Variants in SPPL3 observed in about 807,000 individuals in gnomAD.
The protein encoded by SPPL3 is signal peptide peptidase like 3.
Under a neutral mutation model 42.4 loss-of-function variants are expected in SPPL3, and 5 were observed. The observed-to-expected ratio is 0.12, with a 90% CI of 0.06 to 0.25. The LOEUF is 0.25. SPPL3 is among the 10% of genes least tolerant of loss of function. The pLI is 1.00. For synonymous variants in SPPL3, 195 were observed against 181.8 expected (o/e 1.07, Z -0.58); for missense variants, 235 against 489.0 (o/e 0.48, Z 4.90).
rs1234687673 is a variant in SPPL3, at chr12:120,871,098, C to A, written c.23+32747G>T. 2.6e-5 allele frequency among the ~76,000 whole-genome samples: 3 copies of A among 117,222 alleles called. 1 individual carries two copies. The highest frequency in any genetic ancestry group is 6.1e-4 in the East Asian group (2 of 3,256). The allele number at this position is 117,222 out of a possible 152,430, so 76.9% of individuals were successfully genotyped here. ...TGAGCTGAGATCATGCCACTGCACT[C>A]CAGCCTGGGCGACAGAGTGAGACTC... On this transcript the variant is annotated intron_variant, in intron 1 of 10. Coordinates refer to ENST00000353487, the MANE Select transcript of SPPL3 (RefSeq NM_139015.5).
intron 1 of SPPL3, among the ~76,000 whole-genome samples, chr12:120,877,517 G>A (rs190943171): frequency 2.0e-5 from 3 of 152,022 alleles, no homozygotes; most frequent in East Asian, 1.9e-4. Flanking sequence ...GTGGTGGCTC[G>A]CGCCTGTAAT....
At chr12:120,780,415 T>G (rs1056690591) in intron 6 of SPPL3, among the ~76,000 whole-genome samples, 2 of 151,678 alleles carry the variant, frequency 1.3e-5, no homozygotes, top group East Asian at 3.9e-4. Flanking sequence ...GCCACTGCAC[T>G]CCAGCCTGAG....
At chr12:120,794,565 T>C (rs1870036969) in intron 2 of SPPL3, among the ~76,000 whole-genome samples, 1 of 151,988 alleles carries the variant, frequency 6.6e-6, no homozygotes, top group African/African-American at 2.4e-5. Context: ...ACCCTGCTAA[T>C]TTTTGTATTT....
intron 1 of SPPL3, among the ~76,000 whole-genome samples, chr12:120,812,907 C>T (rs766122342): frequency 2.0e-5 from 3 of 152,206 alleles, no homozygotes; most frequent in Admixed American, 6.5e-5. Flanking sequence ...ACTCAATTCA[C>T]ACTCACTGCA....
intron 1 of SPPL3, among the ~76,000 whole-genome samples, chr12:120,881,727 G>A (rs564443146): frequency 2.0e-5 from 3 of 151,428 alleles, no homozygotes; most frequent in African/African-American, 7.3e-5. Context: ...GCCTTTAAAA[G>A]GAAGAAAATT....
intron 2 of SPPL3, among the ~76,000 whole-genome samples, chr12:120,801,598 G>A (rs74863026): frequency 0.02 from 3,011 of 152,174 alleles, 115 homozygotes; most frequent in African/African-American, 0.068. Context: ...ACTGCTTGAC[G>A]CGCTACATCT....
At chr12:120,799,818 T>TA in intron 2 of SPPL3, among the ~76,000 whole-genome samples, 1 of 152,098 alleles carries the variant, frequency 6.6e-6, no homozygotes, top group South Asian at 2.1e-4. Context: ...ACAACAAGCT[T>TA]AAAGGGCCTG....
chr12:120,836,735 C>T (rs1267856757), intron 1 of SPPL3, among the ~76,000 whole-genome samples: 1 of 152,228 alleles, frequency 6.6e-6, no homozygotes, highest in Non-Finnish European at 1.5e-5. Flanking sequence ...CCAAGGGATA[C>T]TTTCAGTGTT....
rs752107886 is a variant in SPPL3 at position 120,766,386 on chromosome 12, G to A, written c.974-14C>T. 3 of 1,566,492 alleles carry A rather than the reference G, an allele frequency of 1.9e-6. No individual in the cohort carries two copies. The highest frequency in any genetic ancestry group is 1.9e-5 in the Admixed American group (1 of 51,900). On this transcript the variant is annotated splice_polypyrimidine_tract_variant and intron_variant, in intron 9 of 10. Transcript: ENST00000353487. ...CAGTGAGCAGGCCTGTGAGGAGAGA[G>A]AGGCATCTGTGAGACACGAGAGGGA...
intron 1 of SPPL3, among the ~76,000 whole-genome samples, chr12:120,827,734 T>C (rs1357204804): frequency 6.6e-6 from 1 of 152,146 alleles, no homozygotes; most frequent in Non-Finnish European, 1.5e-5. Flanking sequence ...CAAGAGCTAA[T>C]GGTAAACACC....
At chr12:120,765,927 G>T (rs944279404) in intron 10 of SPPL3, among the ~76,000 whole-genome samples, 1 of 152,132 alleles carries the variant, frequency 6.6e-6, no homozygotes, top group African/African-American at 2.4e-5. Flanking sequence ...AAGCTGTTAG[G>T]TGGCAGGAGG....
At chr12:120,833,120 G>A (rs1216838087) in intron 1 of SPPL3, among the ~76,000 whole-genome samples, 2 of 152,204 alleles carry the variant, frequency 1.3e-5, no homozygotes, top group Non-Finnish European at 2.9e-5. Flanking sequence ...AGCCCCTTCT[G>A]AAGAGGTAAA....
chr12:120,768,883 T>C (rs920816188), intron 7 of SPPL3, 70 bp downstream of exon 7: 12 of 1,351,340 alleles, frequency 8.9e-6, no homozygotes, highest in South Asian at 2.5e-5. Flanking sequence ...TTCTAGTTAA[T>C]AGTTTTCAGG....
In SPPL3 at chr12:120,801,546, AG is replaced by A. The variant is rs563060748; in HGVS notation, c.101+9262del. The stretch of plus-strand genomic sequence containing the variant: ...TTCAGCGAGGATTCAGGGGGCACAG[AG>A]GAAGTTTTCCCTTGGCCCTGTTACA... On this transcript the variant is annotated intron_variant, in intron 2 of 10. Transcript: ENST00000353487. Among the ~76,000 whole-genome samples, 869 of 152,264 alleles carry A rather than the reference AG, an allele frequency of 5.7e-3. 5 individuals are homozygous for A. The highest frequency in any genetic ancestry group is 8.6e-3 in the Admixed American group (131 of 15,284).
intron 1 of SPPL3, among the ~76,000 whole-genome samples, chr12:120,849,016 T>C (rs750130772): frequency 6.6e-5 from 10 of 151,940 alleles, no homozygotes; most frequent in Non-Finnish European, 1.2e-4. Context: ...ATTTAAAAAT[T>C]AGCTGGGCAT....
chr12:120,780,202 C>T (rs1299555080), intron 6 of SPPL3, among the ~76,000 whole-genome samples: 1 of 150,166 alleles, frequency 6.7e-6, no homozygotes, highest in African/African-American at 2.4e-5. Context: ...GTGCTGGGAG[C>T]CAATGCACTG....
At chr12:120,802,376 T>C (rs1206155985) in intron 2 of SPPL3, among the ~76,000 whole-genome samples, 1 of 141,126 alleles carries the variant, frequency 7.1e-6, no homozygotes, top group African/African-American at 2.9e-5. Context: ...TATACATATA[T>C]ATGTATATAT....
intron 1 of SPPL3, among the ~76,000 whole-genome samples, chr12:120,888,402 C>T (rs974502682): frequency 6.6e-6 from 1 of 151,832 alleles, no homozygotes; most frequent in Non-Finnish European, 1.5e-5. Flanking sequence ...AGCCAAAATG[C>T]GGAAACTACC....
At chr12:120,899,048 G>A (rs1873892531) in intron 1 of SPPL3, among the ~76,000 whole-genome samples, 1 of 152,178 alleles carries the variant, frequency 6.6e-6, no homozygotes, top group Non-Finnish European at 1.5e-5. Flanking sequence ...TATACAGGAA[G>A]AAAGGTGTTT....
Sources: gnomAD v4.1 joint callset for allele counts (sites outside exome capture counted in the v4.1 genomes callset) on GRCh38, gnomAD v4.1.1 for gene constraint, MANE v1.5 for transcripts, NCBI Gene and HGNC (gene_info 2026-07-23, HGNC 2026-07-21) for gene names.